The following PAG1 variants were observed in gnomAD, a reference collection of about 807,000 sequenced individuals.
PAG1 encodes the protein phosphoprotein membrane anchor with glycosphingolipid microdomains 1.
PAG1 carries 23 observed loss-of-function variants against 31.7 expected under a neutral mutation model. The ratio of observed to expected loss-of-function variants is 0.73; its 90% CI spans 0.52 to 1.03. The LOEUF is 1.03. Ranked by LOEUF, PAG1 falls within the 50% of genes least tolerant of loss-of-function variation. The probability of loss-of-function intolerance (pLI) is 0.00; values close to 1 mark genes in which losing one functional copy is unlikely to be tolerated. For synonymous variants in PAG1, 214 were observed against 210.3 expected (o/e 1.02, Z -0.15); for missense variants, 473 against 540.7 (o/e 0.87, Z 1.24).
Position 80,968,299 on chromosome 8 carries a change from T to C in PAG1, c.*8245A>G, listed in dbSNP as rs1483430039. On this transcript the variant is annotated 3_prime_UTR_variant, in exon 9 of 9. Transcript: ENST00000220597. ...TCTCTATGAGGTAGGCAATGGTTAG[T>C]ATCATTATCCCCATTTTGTATATGG... The C allele has an allele frequency of 1.3e-5, 2 of 152,246 alleles. No homozygotes were observed. The highest frequency in any genetic ancestry group is 4.8e-5 in the African/African-American group (2 of 41,468). 9.4% of individuals were successfully genotyped at this position (152,246 alleles called of 1,614,324 possible).
intron 1 of PAG1, among the ~76,000 whole-genome samples, chr8:81,080,162 A>G (rs977382037): frequency 6.6e-6 from 1 of 152,172 alleles, no homozygotes; most frequent in African/African-American, 2.4e-5. Context: ...TGACGAACAC[A>G]GTGACTGCGC....
intron 3 of PAG1, among the ~76,000 whole-genome samples, chr8:81,021,437 T>C (rs753255970): frequency 6.7e-6 from 1 of 148,756 alleles, no homozygotes; most frequent in Non-Finnish European, 1.5e-5. Flanking sequence ...CCTTTTATTT[T>C]TGGTTCCAGG....
chr8:81,017,572 C>T (rs1342476000), intron 3 of PAG1, among the ~76,000 whole-genome samples: 7 of 152,326 alleles, frequency 4.6e-5, no homozygotes, highest in Non-Finnish European at 4.4e-5. Context: ...GCAAGCAACA[C>T]GTGCTTTCTG....
intron 1 of PAG1, among the ~76,000 whole-genome samples, chr8:81,086,081 A>G (rs1809350888): frequency 7.6e-6 from 1 of 131,660 alleles, no homozygotes; most frequent in Non-Finnish European, 1.5e-5. Flanking sequence ...TCCCGGGTTC[A>G]CGCCATTCTC....
chr8:81,096,020 T>A (rs1220831787), intron 1 of PAG1, among the ~76,000 whole-genome samples: 2 of 152,316 alleles, frequency 1.3e-5, no homozygotes, highest in East Asian at 1.9e-4. Flanking sequence ...TTTGTCTTAA[T>A]TTTTTTGTAC....
intron 3 of PAG1, among the ~76,000 whole-genome samples, chr8:81,008,535 T>C (rs1018324293): frequency 4.0e-5 from 6 of 148,494 alleles, no homozygotes; most frequent in East Asian, 1.9e-4. Flanking sequence ...ATATAATATA[T>C]ATAATACTAC....
intron 2 of PAG1, among the ~76,000 whole-genome samples, chr8:81,055,075 C>CT (rs773535023): frequency 0.12 from 17,101 of 138,820 alleles, 1,829 homozygotes; most frequent in African/African-American, 0.29. Flanking sequence ...CTTTTTTTTT[C>CT]TTTTTTTTTT....
rs1807015431 is a variant in PAG1 at position 80,968,730 on chromosome 8, T to C, written c.*7814A>G. On this transcript the variant is annotated 3_prime_UTR_variant, in exon 9 of 9. Transcript: ENST00000220597. ...TACTCAATTATAGCTCTAGTAGCCA[T>C]ATTATATTATCTACAAACCAGGTTT... 6.6e-6 allele frequency: 1 copy of C among 152,218 alleles called. No homozygotes were observed. The highest frequency in any genetic ancestry group is 2.4e-5 in the African/African-American group (1 of 41,454). The allele number at this position is 152,218 out of a possible 1,614,324, so 9.4% of individuals were successfully genotyped here. A position where few individuals can be genotyped will look rare whatever the true frequency, so the allele number is the denominator to read the frequency against.
intron 1 of PAG1, among the ~76,000 whole-genome samples, chr8:81,072,706 C>G (rs1463870534): frequency 6.6e-6 from 1 of 152,188 alleles, no homozygotes; most frequent in East Asian, 1.9e-4. Flanking sequence ...ATCTCTTAAA[C>G]ACAAACACAT....
At chr8:80,994,319 GAAGT>G (rs979431242) in intron 3 of PAG1, among the ~76,000 whole-genome samples, 2 of 152,200 alleles carry the variant, frequency 1.3e-5, no homozygotes, top group Admixed American at 6.5e-5. Flanking sequence ...ATGAATGAAT[GAAGT>G]ATGTGCTAAG....
chr8:81,036,050 C>G (rs1808457446), intron 2 of PAG1, among the ~76,000 whole-genome samples: 1 of 152,106 alleles, frequency 6.6e-6, no homozygotes, highest in Non-Finnish European at 1.5e-5. Context: ...ACTGGGGGAG[C>G]AGGGTGTTTA....
At chr8:81,092,165 C>A in intron 1 of PAG1, among the ~76,000 whole-genome samples, 1 of 103,590 alleles carries the variant, frequency 9.7e-6, no homozygotes, top group Non-Finnish European at 1.8e-5. Flanking sequence ...CCAGCCTGAG[C>A]AACATGGCAA....
intron 1 of PAG1, among the ~76,000 whole-genome samples, chr8:81,092,623 A>T (rs1192334952): frequency 6.6e-6 from 1 of 152,214 alleles, no homozygotes; most frequent in African/African-American, 2.4e-5. Context: ...CATGGAACTA[A>T]TTCAACAAAT....
chr8:81,068,127 C>G (rs1369555033), intron 2 of PAG1, among the ~76,000 whole-genome samples: 1 of 152,158 alleles, frequency 6.6e-6, no homozygotes, highest in Non-Finnish European at 1.5e-5. Flanking sequence ...GAACTCCTGG[C>G]CTCAAGTGAT....
chr8:81,086,512 C>T (rs11995575), intron 1 of PAG1, among the ~76,000 whole-genome samples: 14,513 of 150,006 alleles, frequency 0.097, 2,233 homozygotes, highest in African/African-American at 0.33. Context: ...TGTGCGCGCG[C>T]GTGTGTGTGT....
At chr8:81,096,901 A>C (rs1238972691) in intron 1 of PAG1, among the ~76,000 whole-genome samples, 1 of 152,242 alleles carries the variant, frequency 6.6e-6, no homozygotes, top group Non-Finnish European at 1.5e-5. Context: ...AAGAAGTCAC[A>C]CCAGCCAGGT....
chr8:81,107,494 T>C (rs766167450), intron 1 of PAG1, among the ~76,000 whole-genome samples: 2 of 152,186 alleles, frequency 1.3e-5, no homozygotes, highest in African/African-American at 2.4e-5. Flanking sequence ...TGGGCTCCAC[T>C]CTTTACTCTG....
chr8:80,987,581 A>G (rs558124302), intron 5 of PAG1, 115 bp from the exon 6 acceptor site: 1 of 696,290 alleles, frequency 1.4e-6, no homozygotes, highest in South Asian at 1.6e-5. Context: ...AGAAACAGAA[A>G]ACAGAATCTC....
chr8:81,005,747 C>G (rs1807864596), intron 3 of PAG1, among the ~76,000 whole-genome samples: 1 of 152,124 alleles, frequency 6.6e-6, no homozygotes, highest in South Asian at 2.1e-4. Flanking sequence ...TTCAGCACAC[C>G]TGCCCCTCCA....
Sources: allele counts gnomAD v4.1 joint callset (sites outside exome capture counted in the v4.1 genomes callset), GRCh38; gene constraint gnomAD v4.1.1; transcripts MANE v1.5; gene names NCBI Gene and HGNC (gene_info 2026-07-23, HGNC 2026-07-21).